Variants in AGPS observed in about 807,000 individuals in gnomAD.
AGPS encodes the protein alkylglycerone phosphate synthase.
AGPS carries 26 observed loss-of-function variants against 90.7 expected under a neutral mutation model. That is an observed-to-expected ratio of 0.29 (90% CI 0.21 to 0.40). AGPS has a LOEUF of 0.40. Ranked by LOEUF, AGPS falls within the 10% of genes least tolerant of loss-of-function variation. AGPS has a pLI of 1.00. For missense variants in AGPS, 540 were observed against 816.1 expected (o/e 0.66, Z 4.12); for synonymous variants, 294 against 285.3 (o/e 1.03, Z -0.31).
intron 2 of AGPS, among the ~76,000 whole-genome samples, chr2:177,424,629 G>T (rs4893944): frequency 0.61 from 92,628 of 152,004 alleles, 30,873 homozygotes; most frequent in Non-Finnish European, 0.72. Flanking sequence ...TGGGTCAAAT[G>T]GTATTTCTGC....
chr2:177,499,789 A>T, intron 14 of AGPS, 59 bp downstream of exon 14: 1 of 1,133,692 alleles, frequency 8.8e-7, no homozygotes, highest in Non-Finnish European at 1.3e-6. Context: ...TTCTAATATC[A>T]CCAAGCAATT....
At chr2:177,435,943 G>A (rs1470896265) in intron 3 of AGPS, among the ~76,000 whole-genome samples, 1 of 152,062 alleles carries the variant, frequency 6.6e-6, no homozygotes, top group Non-Finnish European at 1.5e-5. Context: ...GAAGTTGGGT[G>A]ACATGCCCAA....
At chr2:177,458,602 G>A (rs1022015521) in intron 8 of AGPS, among the ~76,000 whole-genome samples, 6 of 152,044 alleles carry the variant, frequency 3.9e-5, no homozygotes, top group Admixed American at 6.5e-5. Context: ...AAATACCTAG[G>A]AATCCAACTT....
rs114890354 is a variant in AGPS at position 177,528,449 on chromosome 2, C to T, written c.1855+4644C>T. Among the ~76,000 whole-genome samples, 487 of 152,338 alleles carry T rather than the reference C, an allele frequency of 3.2e-3. 2 individuals carry two copies. Among genetic ancestry groups the T allele is most frequent in the Middle Eastern group, 6.8e-3 (2 of 294 alleles). On this transcript the variant is annotated intron_variant, in intron 19 of 19. Coordinates refer to ENST00000264167, the MANE Select transcript of AGPS (RefSeq NM_003659.4). ...ATTGGCCTTCTTGCTATTCCTCAGA[C>T]ATACTAATCCCTTTTCCCATTCAAG... is the stretch of plus-strand genomic sequence containing the variant.
intron 7 of AGPS, among the ~76,000 whole-genome samples, chr2:177,445,263 A>T (rs1445812822): frequency 6.6e-6 from 1 of 152,250 alleles, no homozygotes; most frequent in African/African-American, 2.4e-5. Context: ...TTAGACAGTT[A>T]AATAATTTGC....
chr2:177,411,299 G>A (rs1685613613), intron 1 of AGPS, among the ~76,000 whole-genome samples: 1 of 152,196 alleles, frequency 6.6e-6, no homozygotes. Context: ...CTTCCTCAGT[G>A]CCTCCCTTAG....
At chr2:177,407,611 G>A (rs1295494510) in intron 1 of AGPS, among the ~76,000 whole-genome samples, 1 of 152,016 alleles carries the variant, frequency 6.6e-6, no homozygotes, top group Non-Finnish European at 1.5e-5. Flanking sequence ...TGAGGGATCT[G>A]CCCCCATGAC....
intron 1 of AGPS, among the ~76,000 whole-genome samples, chr2:177,417,190 A>G (rs577034265): frequency 1.3e-5 from 2 of 152,208 alleles, no homozygotes; most frequent in South Asian, 2.1e-4. Context: ...CCAACATTGG[A>G]AACTTTTTGA....
intron 19 of AGPS, among the ~76,000 whole-genome samples, chr2:177,530,329 G>A (rs6433675): frequency 0.87 from 132,003 of 152,244 alleles, 57,441 homozygotes; most frequent in East Asian, 0.98. Flanking sequence ...TATAATTTGT[G>A]TATTTCAAAT....
At position 177,499,836 on chromosome 2, in the gene AGPS, G is replaced by T. The variant is rs1688509105; in HGVS notation, c.1475+106G>T. ...AGGCATTAATGTCTCCAAACAGACT[G>T]CATGTCTCAAAGTAGTTATTAATTT... On this transcript the variant is annotated intron_variant, in intron 14 of 19. Transcript: ENST00000264167. 4.0e-6 allele frequency: 3 copies of T among 740,748 alleles called. No homozygotes were observed. In the South Asian group the frequency reaches 4.6e-5, roughly 11 times the overall value. The allele number at this position is 740,748 out of a possible 1,614,324, so 45.9% of individuals were successfully genotyped here.
chr2:177,431,679 G>A (rs1185364942), intron 2 of AGPS, among the ~76,000 whole-genome samples: 12 of 152,052 alleles, frequency 7.9e-5, no homozygotes, highest in South Asian at 2.1e-4. Context: ...CTGCTTTCAC[G>A]TCCTTTTATA....
At position 177,523,721 on chromosome 2, in the gene AGPS, A is replaced by T. The variant is rs775813291; in HGVS notation, c.1798-27A>T. ...TGCAAAATGAAATCTAACTAGCAAC[A>T]ATTTGTTGTGTTGTTTCCAAATACA... On this transcript the variant is annotated intron_variant, in intron 18 of 19. Transcript: ENST00000264167. 19 of 1,609,114 alleles carry T rather than the reference A, an allele frequency of 1.2e-5. No homozygotes were observed. The South Asian group carries it at 2.0e-4, about 17-fold the overall frequency.
At chr2:177,475,940 A>C (rs1204538757) in intron 10 of AGPS, among the ~76,000 whole-genome samples, 1 of 152,036 alleles carries the variant, frequency 6.6e-6, no homozygotes, top group Admixed American at 6.6e-5. Flanking sequence ...ATTTTCTCTA[A>C]GTTATGTAAT....
At chr2:177,446,198 G>A (rs1476966131) in intron 8 of AGPS, among the ~76,000 whole-genome samples, 4 of 152,034 alleles carry the variant, frequency 2.6e-5, no homozygotes, top group African/African-American at 9.6e-5. Flanking sequence ...CTGTCGCCCA[G>A]GCTGGAGTGC....
intron 9 of AGPS, among the ~76,000 whole-genome samples, chr2:177,463,633 T>A (rs994657550): frequency 2.6e-5 from 4 of 152,222 alleles, no homozygotes; most frequent in African/African-American, 9.6e-5. Flanking sequence ...GAATACTTTT[T>A]AAATATTTTC....
chr2:177,538,183 A>G lies in AGPS; in HGVS notation c.1965A>G (p.Arg655=). Reference sequence around the variant, plus strand: ...ACCCCAATAACATCTTTGGAAACAGAAACCTTTTATAAATCCATTAGTACC... The same window carrying G: ...ACCCCAATAACATCTTTGGAAACAGGAACCTTTTATAAATCCATTAGTACC... ...YVDPNNIFGN[R]NLL Residue 655 remains arginine, a synonymous_variant, in exon 20 of 20, where the codon AGA becomes AGG. Transcript: ENST00000264167. 1 of 1,612,960 alleles carries G rather than the reference A, an allele frequency of 6.2e-7. No individual in the cohort carries two copies. The highest frequency in any genetic ancestry group is 1.1e-5 in the South Asian group (1 of 91,060).
chr2:177,451,961 TA>T (rs11349668), intron 8 of AGPS, among the ~76,000 whole-genome samples: 131,212 of 152,050 alleles, frequency 0.86, 56,821 homozygotes, highest in East Asian at 0.95. Flanking sequence ...GTATATATGT[TA>T]TTTAGTTCCC....
In AGPS at chr2:177,468,498, T is replaced by A. The variant is rs1212155554; in HGVS notation, c.1079T>A (p.Ile360Asn). 1 of 1,611,960 alleles carries A rather than the reference T, an allele frequency of 6.2e-7. No individual in the cohort carries two copies. Among genetic ancestry groups the A allele is most frequent in the African/African-American group, 1.3e-5 (1 of 74,874 alleles). ...CCTCGTATGTCAACAGGCCCTGATATCCATCACTTCATCATGGGATCTGAA... is the reference window on the plus strand; with the variant it reads ...CCTCGTATGTCAACAGGCCCTGATAACCATCACTTCATCATGGGATCTGAA... ...QGPRMSTGPD[I>N]HHFIMGSEGT... Residue 360 changes from isoleucine to asparagine, a missense_variant, in exon 10 of 20, where the codon ATC (isoleucine) becomes AAC (asparagine). This residue lies in a region of AGPS where 405 missense variants were observed against 692.1 expected (regional missense o/e 0.59). Coordinates refer to ENST00000264167, the MANE Select transcript of AGPS (RefSeq NM_003659.4).
At chr2:177,406,070 C>G (rs2105591967) in intron 1 of AGPS, among the ~76,000 whole-genome samples, 1 of 152,268 alleles carries the variant, frequency 6.6e-6, no homozygotes, top group South Asian at 2.1e-4. Context: ...GCTCCATCCC[C>G]CATCCCTTAT....
Sources: allele counts gnomAD v4.1 joint callset (sites outside exome capture counted in the v4.1 genomes callset), GRCh38; gene constraint gnomAD v4.1.1; regional missense constraint gnomAD v4.1.1; transcripts MANE v1.5; gene names NCBI Gene and HGNC (gene_info 2026-07-23, HGNC 2026-07-21).